The following UPF2 variants were observed in gnomAD, a reference collection of about 807,000 sequenced individuals.
The protein encoded by UPF2 is UPF2 regulator of nonsense mediated mRNA decay.
In UPF2, 17 loss-of-function variants were observed where a neutral mutation model predicts 141.4. The ratio of observed to expected loss-of-function variants is 0.12; its 90% confidence interval spans 0.08 to 0.18. The LOEUF is 0.18. Ranked by LOEUF, UPF2 falls within the 10% of genes least tolerant of loss-of-function variation. The pLI, the probability that UPF2 is intolerant of heterozygous loss-of-function variation, is 1.00. For missense variants in UPF2, 1,152 were observed against 1,515.9 expected (o/e 0.76, Z 3.99); for synonymous variants, 540 against 498.0 (o/e 1.08, Z -1.12).
At chr10:11,991,517 A>G (rs1361120484) in intron 8 of UPF2, among the ~76,000 whole-genome samples, 2 of 152,230 alleles carry the variant, frequency 1.3e-5, no homozygotes, top group Admixed American at 1.3e-4. Flanking sequence ...AGGACCCAGA[A>G]TGATCAACAC....
At chr10:11,938,120 T>C (rs1371416362) in intron 18 of UPF2, among the ~76,000 whole-genome samples, 1 of 152,154 alleles carries the variant, frequency 6.6e-6, no homozygotes, top group Non-Finnish European at 1.5e-5. Flanking sequence ...TTCTTTTGGA[T>C]TTTTTCTTGC....
rs1159503869 is a variant in UPF2 at position 11,921,117 on chromosome 10, G to GT, written c.*180dup. The GT allele has an allele frequency of 8.3e-6, 7 of 847,158 alleles. No homozygotes were observed. The highest frequency in any genetic ancestry group is 1.2e-5 in the Non-Finnish European group (6 of 480,740). The allele number at this position is 847,158 out of a possible 1,614,324, so 52.5% of individuals were successfully genotyped here. A position where few individuals can be genotyped will look rare whatever the true frequency, so the allele number is the denominator to read the frequency against. ...CCGCCTTGTCTGGAAGCGTCGGCTT[G>GT]TTCCGGTGTTGGCAGAGGCTGGTGT... On this transcript the variant is annotated 3_prime_UTR_variant, in exon 22 of 22. Transcript: ENST00000357604. This position sits in a 1 kb window ranked among gnomAD's most constrained non-coding sequence, Gnocchi z 5.9.
At position 11,939,681 on chromosome 10, in the gene UPF2, A is replaced by AT. The variant is rs1166465380; in HGVS notation, c.3379-2970dup. On this transcript the variant is annotated intron_variant, in intron 18 of 21. Coordinates refer to ENST00000357604, the MANE Select transcript of UPF2 (RefSeq NM_015542.4). This position sits in a 1 kb window ranked among gnomAD's most constrained non-coding sequence, Gnocchi z 4.8. ...AGGCGCCTGCCACCATGCCTGGCTA[A>AT]TTTTTTTGTATTTTTAGTAGAGACA... 6.6e-6 allele frequency among the ~76,000 whole-genome samples: 1 copy of AT among 151,570 alleles called. No individual in the cohort carries two copies. The highest frequency in any genetic ancestry group is 1.5e-5 in the Non-Finnish European group (1 of 67,830).
intron 2 of UPF2, among the ~76,000 whole-genome samples, chr10:12,030,543 AAAT>A (rs141050401): frequency 0.053 from 7,862 of 148,930 alleles, 278 homozygotes; most frequent in Non-Finnish European, 0.08. Context: ...CTGCCTCAAA[AAAT>A]AATAATAATA....
intron 8 of UPF2, among the ~76,000 whole-genome samples, chr10:11,993,493 T>C (rs952006073): frequency 6.6e-6 from 1 of 151,546 alleles, no homozygotes; most frequent in African/African-American, 2.4e-5. Context: ...TTACTGACTA[T>C]ATAATTAGAG....
chr10:11,942,536 A>T, intron 18 of UPF2, 129 bp downstream of exon 18: 1 of 738,422 alleles, frequency 1.4e-6, no homozygotes, highest in Admixed American at 2.6e-5. Flanking sequence ...CAAGCTGTCT[A>T]CACATGATCT....
chr10:11,974,083 A>G (rs534819098), intron 9 of UPF2, among the ~76,000 whole-genome samples: 1 of 152,244 alleles, frequency 6.6e-6, no homozygotes, highest in African/African-American at 2.4e-5. Flanking sequence ...CTTCTCCTTG[A>G]AGAGGTCCTT....
At chr10:11,930,648 T>C (rs1341964522) in intron 20 of UPF2, among the ~76,000 whole-genome samples, 1 of 152,090 alleles carries the variant, frequency 6.6e-6, no homozygotes, top group East Asian at 1.9e-4. Context: ...TGGTGGCACA[T>C]GTCTGTAATC....
chr10:12,029,970 A>AT (rs59915554), intron 2 of UPF2, among the ~76,000 whole-genome samples: 9 of 151,354 alleles, frequency 5.9e-5, no homozygotes. Context: ...AAAAAAAAAA[A>AT]CAAAAAAAAA....
At position 12,031,173 on chromosome 10, in the gene UPF2, C is replaced by CAAAAAAAA. The variant is rs1230080718; in HGVS notation, c.366-1657_366-1650dup. Among the ~76,000 whole-genome samples the CAAAAAAAA allele has an allele frequency of 1.7e-4, 5 of 29,890 alleles. 2 individuals carry two copies. The highest frequency in any genetic ancestry group is 3.9e-4 in the Non-Finnish European group (5 of 12,874). 19.6% of individuals were successfully genotyped at this position (29,890 alleles called of 152,430 possible). On this transcript the variant is annotated intron_variant, in intron 2 of 21. Transcript: ENST00000357604. ...TGGGCGAAAGAGCAAGACTCCATCT[C>CAAAAAAAA]AAAAAAAAAAAAAAAAACAAAACAG...
chr10:11,990,747 G>C (rs777941028), intron 8 of UPF2, among the ~76,000 whole-genome samples: 3 of 149,750 alleles, frequency 2.0e-5, no homozygotes, highest in African/African-American at 7.4e-5. Context: ...TCAGCACTTC[G>C]GGAGGCCGAG....
At chr10:11,943,212 G>A (rs746415034) in intron 16 of UPF2, 44 bp from the exon 17 acceptor site, 12 of 1,454,656 alleles carry the variant, frequency 8.2e-6, no homozygotes, top group South Asian at 7.1e-5. Flanking sequence ...TTTTCGAAGT[G>A]TAACCATATT....
Position 11,939,179 on chromosome 10 carries a change from T to C in UPF2, c.3379-2467A>G, listed in dbSNP as rs1256955323. Among the ~76,000 whole-genome samples the C allele has an allele frequency of 1.3e-5, 2 of 152,028 alleles. No homozygotes were observed. The highest frequency in any genetic ancestry group is 2.9e-5 in the Non-Finnish European group (2 of 68,000). On this transcript the variant is annotated intron_variant, in intron 18 of 21. Transcript: ENST00000357604. The surrounding 1 kb of genome is among the most constrained non-coding windows in gnomAD (Gnocchi z 4.8). ...AGCCACTGTGCCTGGCCAGCAAGTT[T>C]CTTGTCTTTCCAAGCCTCTGTTTCT... is the stretch of plus-strand genomic sequence containing the variant.
At chr10:11,922,692 A>G (rs1269697418) in intron 21 of UPF2, among the ~76,000 whole-genome samples, 1 of 152,208 alleles carries the variant, frequency 6.6e-6, no homozygotes, top group Non-Finnish European at 1.5e-5. Flanking sequence ...TTAATACAAT[A>G]TACACTTTGG....
rs554481655 is a variant in UPF2 at position 11,959,696 on chromosome 10, G to A, written c.2185-340C>T. Among the ~76,000 whole-genome samples, 2 of 152,160 alleles carry A rather than the reference G, an allele frequency of 1.3e-5. No individual in the cohort carries two copies. The highest frequency in any genetic ancestry group is 1.3e-4 in the Admixed American group (2 of 15,282). On this transcript the variant is annotated intron_variant, in intron 11 of 21. Coordinates refer to ENST00000357604, the MANE Select transcript of UPF2 (RefSeq NM_015542.4). This position sits in a 1 kb window ranked among gnomAD's most constrained non-coding sequence, Gnocchi z 5.9. ...GACAGCTTGAGCCCAGGAGGTGGAG[G>A]CTGCAGTAAGCCATGACTGGCACTG...
chr10:12,032,473 C>G (rs2131312216), intron 2 of UPF2, among the ~76,000 whole-genome samples: 1 of 152,026 alleles, frequency 6.6e-6, no homozygotes, highest in South Asian at 2.1e-4. Flanking sequence ...AGATGGGGGA[C>G]TAGTTCACTA....
At chr10:11,933,985 G>A (rs558197932) in intron 19 of UPF2, among the ~76,000 whole-genome samples, 2 of 152,164 alleles carry the variant, frequency 1.3e-5, no homozygotes, top group African/African-American at 4.8e-5. Context: ...GCCATGTACT[G>A]CCCTCCACAA....
At chr10:11,995,286 G>A (rs1024360217) in intron 8 of UPF2, among the ~76,000 whole-genome samples, 1 of 152,194 alleles carries the variant, frequency 6.6e-6, no homozygotes, top group Non-Finnish European at 1.5e-5. Flanking sequence ...AACCATTACA[G>A]ATCAAGATTC....
At chr10:11,938,842 G>GTTTTTTTTTTTTTTTT (rs1204744093) in intron 18 of UPF2, among the ~76,000 whole-genome samples, 13 of 45,868 alleles carry the variant, frequency 2.8e-4, no homozygotes, top group African/African-American at 5.6e-4. Context: ...TCTTAAGCAA[G>GTTTTTTTTTTTTTTTT]TTTTTTTTTT....
Sources: allele counts gnomAD v4.1 joint callset (sites outside exome capture counted in the v4.1 genomes callset), GRCh38; gene constraint gnomAD v4.1.1; non-coding constraint Gnocchi (gnomAD v3.1); transcripts MANE v1.5; gene names NCBI Gene and HGNC (gene_info 2026-07-23, HGNC 2026-07-21).